FAM171A1: variants seen among roughly 807,000 people sequenced by gnomAD.
FAM171A1 encodes family with sequence similarity 171 member A1, also known as protein FAM171A1.
A neutral mutation model predicts 74.9 loss-of-function variants in FAM171A1; 23 were observed. The observed-to-expected ratio is 0.31, with a 90% CI of 0.22 to 0.44. The LOEUF (loss-of-function observed/expected upper bound fraction) is 0.44, where lower values mean the gene tolerates loss of function less well. FAM171A1 is among the 20% of genes least tolerant of loss of function. The probability of loss-of-function intolerance (pLI) is 1.00; values close to 1 mark genes in which losing one functional copy is unlikely to be tolerated. For missense variants in FAM171A1, 1,162 were observed against 1,159.2 expected (o/e 1.00, Z -0.03); for synonymous variants, 527 against 505.7 (o/e 1.04, Z -0.57).
chr10:15,320,434 G>A (rs1224446302), intron 1 of FAM171A1, among the ~76,000 whole-genome samples: 2 of 152,156 alleles, frequency 1.3e-5, no homozygotes, highest in African/African-American at 4.8e-5. Flanking sequence ...ATAAACATAT[G>A]CGTACATGTC....
rs749936432 is a variant in FAM171A1, at chr10:15,283,924, A to G, written c.279T>C (p.His93=). The part of the protein sequence containing the change: ...GSQLIVTASK[H]AYVPNSAPWK... ...ATGGGGCAGAGTTTGGCACGTAGGC[A>G]TGCTTCGAGGCGGTGACAATCAACT... Residue 93 remains histidine (H), a synonymous_variant, in exon 2 of 8, where the codon CAT becomes CAC. Coordinates refer to ENST00000378116, the MANE Select transcript of FAM171A1 (RefSeq NM_001010924.2). 7 of 1,614,176 alleles carry G rather than the reference A, an allele frequency of 4.3e-6. No individual in the cohort carries two copies. In the South Asian group the frequency reaches 6.6e-5, roughly 15 times the overall value.
intron 2 of FAM171A1, 68 bp downstream of exon 2, chr10:15,283,810 C>T (rs947382962): frequency 6.6e-7 from 1 of 1,514,322 alleles, no homozygotes; most frequent in African/African-American, 1.4e-5. Flanking sequence ...GTTTCAGACT[C>T]CTGGCCTTAT....
At chr10:15,365,373 G>T (rs1836046763) in intron 1 of FAM171A1, among the ~76,000 whole-genome samples, 2 of 152,192 alleles carry the variant, frequency 1.3e-5, no homozygotes, top group Admixed American at 1.3e-4. Flanking sequence ...TAAAGAGATG[G>T]AGCTATGACA....
intron 5 of FAM171A1, among the ~76,000 whole-genome samples, chr10:15,242,718 G>A (rs1782137267): frequency 6.6e-6 from 1 of 152,144 alleles, no homozygotes; most frequent in African/African-American, 2.4e-5. Context: ...TTGAGCTTGG[G>A]AGGTCGAGGC....
intron 5 of FAM171A1, among the ~76,000 whole-genome samples, chr10:15,243,762 T>C (rs749549256): frequency 6.6e-6 from 1 of 151,134 alleles, no homozygotes; most frequent in Non-Finnish European, 1.5e-5. Flanking sequence ...TACATATACA[T>C]ATATACATAA....
intron 5 of FAM171A1, among the ~76,000 whole-genome samples, chr10:15,221,979 C>T (rs1834044377): frequency 6.6e-6 from 1 of 152,222 alleles, no homozygotes; most frequent in African/African-American, 2.4e-5. Flanking sequence ...GGTTGTTGGG[C>T]TATTTCCCAG....
At chr10:15,235,547 C>T (rs1164140929) in intron 5 of FAM171A1, among the ~76,000 whole-genome samples, 1 of 152,154 alleles carries the variant, frequency 6.6e-6, no homozygotes, top group East Asian at 1.9e-4. Flanking sequence ...TCTCAACATA[C>T]TTTAATTCCA....
rs193014034 is a variant in FAM171A1, at chr10:15,258,122, G to A, written c.419-3243C>T. On this transcript the variant is annotated intron_variant, in intron 3 of 7. Transcript: ENST00000378116. ...GTTGCCCAGGCTGGAGTGCAGTGGC[G>A]TGATCTCGGCTTACTGCAACCTCTG... 1.6e-3 allele frequency among the ~76,000 whole-genome samples: 237 copies of A among 152,038 alleles called. 1 individual carries two copies. The highest frequency in any genetic ancestry group is 1.8e-3 in the Non-Finnish European group (123 of 67,996).
intron 1 of FAM171A1, among the ~76,000 whole-genome samples, chr10:15,345,745 A>G (rs7091726): frequency 0.98 from 149,381 of 152,254 alleles, 73,342 homozygotes; most frequent in Middle Eastern, 1. Flanking sequence ...GTGCCCATCA[A>G]AAAACATACA....
At chr10:15,228,626 C>G (rs1022768025) in intron 5 of FAM171A1, among the ~76,000 whole-genome samples, 5 of 152,212 alleles carry the variant, frequency 3.3e-5, no homozygotes, top group African/African-American at 1.2e-4. Flanking sequence ...GGGTTGCAGG[C>G]GTGCGCCCCG....
rs188825510 is a variant in FAM171A1 at position 15,264,895 on chromosome 10, T to C, written c.419-10016A>G. ...TCTACATGGTAGTAAGGACCACCTT[T>C]ATTTAGCTACATATGGCTTTCTTCC... On this transcript the variant is annotated intron_variant, in intron 3 of 7. Coordinates refer to ENST00000378116, the MANE Select transcript of FAM171A1 (RefSeq NM_001010924.2). 8.5e-5 allele frequency among the ~76,000 whole-genome samples: 13 copies of C among 152,320 alleles called. 1 individual carries two copies. The East Asian group carries it at 2.3e-3, about 27-fold the overall frequency.
At chr10:15,224,005 C>T (rs1011800160) in intron 5 of FAM171A1, among the ~76,000 whole-genome samples, 2 of 152,236 alleles carry the variant, frequency 1.3e-5, no homozygotes, top group African/African-American at 4.8e-5. Flanking sequence ...AATGAGTCCC[C>T]AAGTTCACTC....
At chr10:15,253,381 T>C (rs1834534760) in intron 4 of FAM171A1, among the ~76,000 whole-genome samples, 1 of 152,186 alleles carries the variant, frequency 6.6e-6, no homozygotes, top group South Asian at 2.1e-4. Context: ...TCAACATTTT[T>C]TTTTCCTAAT....
chr10:15,222,762 C>T (rs1417447216), intron 5 of FAM171A1, among the ~76,000 whole-genome samples: 1 of 152,256 alleles, frequency 6.6e-6, no homozygotes, highest in African/African-American at 2.4e-5. Flanking sequence ...CCTCCCCTGG[C>T]AGCCGCTCCT....
chr10:15,266,814 A>C (rs1259831312), intron 3 of FAM171A1, among the ~76,000 whole-genome samples: 4 of 147,998 alleles, frequency 2.7e-5, no homozygotes, highest in African/African-American at 1.0e-4. Context: ...GGCTGCAGTG[A>C]GCTGTGATTG....
At chr10:15,223,774 C>T (rs770997932) in intron 5 of FAM171A1, among the ~76,000 whole-genome samples, 17 of 152,192 alleles carry the variant, frequency 1.1e-4, no homozygotes, top group Non-Finnish European at 1.9e-4. Flanking sequence ...TGGCTCCCAT[C>T]TGTAATTCCA....
chr10:15,252,094 C>G (rs1834516202), intron 4 of FAM171A1, among the ~76,000 whole-genome samples: 1 of 152,210 alleles, frequency 6.6e-6, no homozygotes, highest in Non-Finnish European at 1.5e-5. Context: ...TCTTCTCTGT[C>G]TTCCTGGAGT....
At chr10:15,272,208 AAAAC>A (rs1307016200) in intron 3 of FAM171A1, among the ~76,000 whole-genome samples, 12 of 152,194 alleles carry the variant, frequency 7.9e-5, no homozygotes, top group Admixed American at 7.2e-4. Flanking sequence ...AAGCAAACAG[AAAAC>A]AAACAAACAA....
chr10:15,316,463 A>T (rs1835423202), intron 1 of FAM171A1, among the ~76,000 whole-genome samples: 1 of 152,208 alleles, frequency 6.6e-6, no homozygotes, highest in Non-Finnish European at 1.5e-5. Context: ...GTAGGAGAGC[A>T]TTCCTCGGGG....
Sources: allele counts gnomAD v4.1 joint callset (sites outside exome capture counted in the v4.1 genomes callset), GRCh38; gene constraint gnomAD v4.1.1; transcripts MANE v1.5; gene names NCBI Gene and HGNC (gene_info 2026-07-23, HGNC 2026-07-21).